The following KCNQ2 variants were observed in gnomAD, a reference collection of about 807,000 sequenced individuals.
KCNQ2 encodes the protein potassium voltage-gated channel subfamily KQT member 2.
Under a neutral mutation model 84.8 loss-of-function variants are expected in KCNQ2, and 14 were observed. The observed-to-expected ratio is 0.17, with a 90% CI of 0.11 to 0.26. The LOEUF (loss-of-function observed/expected upper bound fraction) is 0.26. KCNQ2 is among the 10% of genes least tolerant of loss of function. KCNQ2 has a pLI of 1.00. For missense variants in KCNQ2, 788 were observed against 1,254.0 expected (o/e 0.63, Z 5.61); for synonymous variants, 599 against 554.1 (o/e 1.08, Z -1.14).
At chr20:63,410,129 G>C (rs2080077675) in intron 15 of KCNQ2, 1 of 197,946 alleles carries the variant, frequency 5.1e-6, no homozygotes, top group Admixed American at 6.1e-5. Context: ...GGGGACGGCG[G>C]GAGGGGACCC....
chr20:63,408,357 G>A lies in KCNQ2; in HGVS notation c.1887+56C>T. On this transcript the variant is annotated intron_variant, in intron 16 of 16. Coordinates refer to ENST00000359125, the MANE Select transcript of KCNQ2 (RefSeq NM_172107.4). The surrounding 1 kb of genome is among the most constrained non-coding windows in gnomAD (Gnocchi z 5.0). ...CCTGAAGCCCACACTGCCACAGGTT[G>A]ACGGCAGGCACCACAGCCCTCCAGC... 1.3e-6 allele frequency: 2 copies of A among 1,594,882 alleles called. No homozygotes were observed. The highest frequency in any genetic ancestry group is 3.3e-5 in the Admixed American group (2 of 59,852).
At chr20:63,447,927 TCTC>T (rs1179980936) in intron 1 of KCNQ2, 1 of 152,178 alleles carries the variant, frequency 6.6e-6, no homozygotes, top group Non-Finnish European at 1.5e-5. Context: ...AGCCCTGCAT[TCTC>T]CTCTGATACA....
intron 8 of KCNQ2, chr20:63,433,401 G>A (rs2080889257): frequency 2.9e-6 from 1 of 341,936 alleles, no homozygotes; most frequent in African/African-American, 2.1e-5. Flanking sequence ...GTCCTTGATG[G>A]GGGACGGGGT....
At position 63,419,662 on chromosome 20, in the gene KCNQ2, G is replaced by A. The variant is rs2080406431; in HGVS notation, c.1258C>T (p.Pro420Ser). 2 of 1,611,266 alleles carry A rather than the reference G, an allele frequency of 1.2e-6. No homozygotes were observed. The highest frequency in any genetic ancestry group is 1.7e-6 in the Non-Finnish European group (2 of 1,179,470). The change falls in exon 12 of 17, where the codon CCG becomes TCG. Residue 420 changes from proline (P) to serine (S), a missense_variant. Around this residue, in one of 8 missense-constraint regions of KCNQ2, gnomAD observed 202 missense variants for 239.4 expected, o/e 0.84. Coordinates refer to ENST00000359125, the MANE Select transcript of KCNQ2 (RefSeq NM_172107.4). Reference protein sequence around the residue: ...PPEPSPSKGSPCRGPLCGCCP... With the variant: ...PPEPSPSKGSSCRGPLCGCCP... ...CATCCACACAGGGGCCCTCTGCACG[G>A]GCTGCCTTTACTGGAAATGAGGAGA... is the stretch of plus-strand genomic sequence containing the variant.
chr20:63,428,644 T>C (rs2145638934), intron 9 of KCNQ2, among the ~76,000 whole-genome samples: 1 of 152,276 alleles, frequency 6.6e-6, no homozygotes. Context: ...CTTCATTCTC[T>C]GGCTGTGCCT....
At chr20:63,427,082 C>T (rs375461712) in intron 10 of KCNQ2, among the ~76,000 whole-genome samples, 22 of 152,122 alleles carry the variant, frequency 1.4e-4, no homozygotes, top group East Asian at 9.6e-4. Context: ...CTTAGCCGGG[C>T]GTAGTAGCAG....
intron 1 of KCNQ2, among the ~76,000 whole-genome samples, chr20:63,466,087 C>G (rs1290650766): frequency 1.3e-5 from 2 of 152,204 alleles, no homozygotes; most frequent in Non-Finnish European, 2.9e-5. Flanking sequence ...TCCTGTCCTC[C>G]AAGCCTCAAC....
chr20:63,444,730 G>A lies in KCNQ2; in HGVS notation c.619C>T (p.Arg207Trp), dbSNP rs74315391. ...CCCCGCCGGTCCATGCGGATCATCC[G>A]CAGAATCTGCAGGAAGCGCAGGCTC... ...LRSLRFLQIL[R>W]MIRMDRRGGT... Residue 207 changes from arginine to tryptophan, a missense_variant, in exon 4 of 17, where the codon CGG (arginine) becomes TGG (tryptophan). Arg to Trp is a moderately radical substitution (Grantham distance 101, BLOSUM62 -3). Around this residue, in one of 8 missense-constraint regions of KCNQ2, gnomAD observed 12 missense variants for 50.2 expected, o/e 0.24. Transcript: ENST00000359125. 1 of 1,603,394 alleles carries A rather than the reference G, an allele frequency of 6.2e-7. No homozygotes were observed. The highest frequency in any genetic ancestry group is 8.5e-7 in the Non-Finnish European group (1 of 1,175,960).
rs370394245 is a variant in KCNQ2, at chr20:63,442,662, T to TCACCAC, written c.691-137_691-132dup. Reference sequence around the variant, plus strand: ...ACCACCAAAACCATCACCACCACCATCACCACCACCACCACCACCACCATC... The same window carrying TCACCAC: ...ACCACCAAAACCATCACCACCACCATCACCACCACCACCACCACCACCACCACCATC... On this transcript the variant is annotated intron_variant, in intron 4 of 16. Coordinates refer to ENST00000359125, the MANE Select transcript of KCNQ2 (RefSeq NM_172107.4). 20 of 568,322 alleles carry TCACCAC rather than the reference T, an allele frequency of 3.5e-5. 2 individuals carry two copies. The highest frequency in any genetic ancestry group is 4.6e-5 in the Non-Finnish European group (16 of 348,482). The allele number at this position is 568,322 out of a possible 1,614,324, so 35.2% of individuals were successfully genotyped here. A position where few individuals can be genotyped will look rare whatever the true frequency, so the allele number is the denominator to read the frequency against.
At chr20:63,424,311 G>C in intron 10 of KCNQ2, 105 bp from the exon 11 acceptor site, 1 of 1,325,084 alleles carries the variant, frequency 7.5e-7, no homozygotes, top group Non-Finnish European at 1.1e-6. Context: ...GGGCTGCAGG[G>C]GAGGGGGGTC....
At chr20:63,467,928 G>A (rs1444943164) in intron 1 of KCNQ2, among the ~76,000 whole-genome samples, 1 of 152,166 alleles carries the variant, frequency 6.6e-6, no homozygotes, top group Admixed American at 6.5e-5. Flanking sequence ...TAATAAAACA[G>A]ATTTTCTCTG....
chr20:63,451,734 C>A (rs1240361409), intron 1 of KCNQ2, among the ~76,000 whole-genome samples: 2 of 152,088 alleles, frequency 1.3e-5, no homozygotes, highest in Non-Finnish European at 2.9e-5. Context: ...CACTGAACAC[C>A]CTCTGGATGT....
rs536706419 is a variant in KCNQ2 at position 63,412,192 on chromosome 20, G to A, written c.1763+1258C>T. On this transcript the variant is annotated intron_variant, in intron 15 of 16. Coordinates refer to ENST00000359125, the MANE Select transcript of KCNQ2 (RefSeq NM_172107.4). ...AGCAGGAGCCGGTACCAGACAGGCC[G>A]CGGCGGGGCAACGGGAAACGCATTG... 8.6e-4 allele frequency: 267 copies of A among 311,774 alleles called. 1 individual carries two copies. The highest frequency in any genetic ancestry group is 4.0e-3 in the African/African-American group (182 of 45,010). The allele number at this position is 311,774 out of a possible 1,614,324, so 19.3% of individuals were successfully genotyped here.
At chr20:63,419,510 G>A in intron 12 of KCNQ2, 109 bp downstream of exon 12, 1 of 1,110,250 alleles carries the variant, frequency 9.0e-7, no homozygotes, top group Non-Finnish European at 1.3e-6. Flanking sequence ...GGTCAGAATT[G>A]GGGTTGGGGC....
rs879112469 is a variant in KCNQ2, at chr20:63,442,722, CCATCAT to C, written c.691-197_691-192del. Reference sequence around the variant, plus strand: ...ACCATCACCATCACCACCACCACCACCATCATCACCACCTCCACCATCACCACCATC... The same window carrying C: ...ACCATCACCATCACCACCACCACCACCACCACCTCCACCATCACCACCATC... On this transcript the variant is annotated intron_variant, in intron 4 of 16. Transcript: ENST00000359125. Among the ~76,000 whole-genome samples the C allele has an allele frequency of 3.5e-4, 22 of 63,266 alleles. 1 individual carries two copies. The highest frequency in any genetic ancestry group is 2.3e-3 in the South Asian group (3 of 1,314). The allele number at this position is 63,266 out of a possible 152,430, so 41.5% of individuals were successfully genotyped here.
Position 63,406,527 on chromosome 20 carries a change from C to T in KCNQ2, c.*117G>A. 1 of 1,282,910 alleles carries T rather than the reference C, an allele frequency of 7.8e-7. No homozygotes were observed. The highest frequency in any genetic ancestry group is 1.0e-6 in the Non-Finnish European group (1 of 960,180). 79.5% of individuals were successfully genotyped at this position (1,282,910 alleles called of 1,614,324 possible). On this transcript the variant is annotated 3_prime_UTR_variant, in exon 17 of 17. Coordinates refer to ENST00000359125, the MANE Select transcript of KCNQ2 (RefSeq NM_172107.4). The stretch of plus-strand genomic sequence containing the variant: ...CCCACATGGGCCCCTCCAGGGCCCA[C>T]CCTTCCCGCCACACTCAGTTACTGT...
At chr20:63,442,901 ACCACCAC>A (rs2081248067) in intron 4 of KCNQ2, among the ~76,000 whole-genome samples, 1 of 107,978 alleles carries the variant, frequency 9.3e-6, no homozygotes. Context: ...CACCACCATC[ACCACCAC>A]CATCACCATC....
Position 63,408,332 on chromosome 20 carries a change from C to T in KCNQ2, c.1887+81G>A. 6.4e-7 allele frequency: 1 copy of T among 1,567,366 alleles called. No individual in the cohort carries two copies. Among genetic ancestry groups the T allele is most frequent in the Non-Finnish European group, 8.7e-7 (1 of 1,154,968 alleles). ...GAGGAGCCCTCCGTGGCACCCAGCC[C>T]CTGAAGCCCACACTGCCACAGGTTG... On this transcript the variant is annotated intron_variant, in intron 16 of 16. Transcript: ENST00000359125. This position sits in a 1 kb window ranked among gnomAD's most constrained non-coding sequence, Gnocchi z 5.0.
At chr20:63,453,126 G>A (rs1398696451) in intron 1 of KCNQ2, among the ~76,000 whole-genome samples, 1 of 152,118 alleles carries the variant, frequency 6.6e-6, no homozygotes, top group Non-Finnish European at 1.5e-5. Context: ...GCCCCGCGGT[G>A]GACGTCGGCA....
Sources: gnomAD v4.1 joint callset for allele counts (sites outside exome capture counted in the v4.1 genomes callset) on GRCh38, gnomAD v4.1.1 for gene constraint, gnomAD v4.1.1 regional missense constraint, Gnocchi (gnomAD v3.1) non-coding constraint, MANE v1.5 for transcripts, NCBI Gene and HGNC (gene_info 2026-07-23, HGNC 2026-07-21) for gene names.